GRXCR2: variants seen among roughly 807,000 people sequenced by gnomAD.
GRXCR2 encodes glutaredoxin and cysteine rich domain containing 2.
Under a neutral mutation model 24.8 loss-of-function variants are expected in GRXCR2, and 23 were observed. That is an observed-to-expected ratio of 0.93 (90% CI 0.67 to 1.32). The LOEUF is 1.32. Among genes scored for constraint, GRXCR2 ranks in the 40% most tolerant of loss-of-function variants. The probability of loss-of-function intolerance (pLI) is 0.00; values close to 1 mark genes in which losing one functional copy is unlikely to be tolerated. For synonymous variants in GRXCR2, 130 were observed against 116.1 expected, an observed-to-expected ratio of 1.12 and a Z score of -0.77; for missense variants, 315 against 303.4, an observed-to-expected ratio of 1.04 and a Z score of -0.28.
intron 2 of GRXCR2, among the ~76,000 whole-genome samples, chr5:145,926,540 A>C (rs1757396427): frequency 6.6e-6 from 1 of 152,114 alleles, no homozygotes; most frequent in African/African-American, 2.4e-5. Flanking sequence ...ATGGTTTTAG[A>C]AATGCGGCAT....
chr5:145,906,731 T>A (rs1406211505), intron 2 of GRXCR2, among the ~76,000 whole-genome samples: 4 of 152,218 alleles, frequency 2.6e-5, no homozygotes, highest in African/African-American at 9.6e-5. Flanking sequence ...TGCCAGCTAC[T>A]CTTCCGGGCA....
upstream of GRXCR2, among the ~76,000 whole-genome samples, chr5:145,874,886 TTC>T (rs1338096642): frequency 6.6e-6 from 1 of 152,192 alleles, no homozygotes; most frequent in African/African-American, 2.4e-5. Context: ...ACCCACAAGT[TTC>T]TGTCTCTTAT....
At chr5:145,920,121 T>A (rs867208312) in intron 2 of GRXCR2, among the ~76,000 whole-genome samples, 2 of 152,170 alleles carry the variant, frequency 1.3e-5, no homozygotes, top group Non-Finnish European at 2.9e-5. Flanking sequence ...ATTATTGATG[T>A]AGTCAAAATA....
intron 2 of GRXCR2, among the ~76,000 whole-genome samples, chr5:145,878,708 T>C (rs1348189281): frequency 5.3e-5 from 8 of 152,082 alleles, no homozygotes; most frequent in African/African-American, 1.9e-4. Flanking sequence ...AACACAAAGA[T>C]ACTCCTCGAG....
chr5:145,890,456 A>G (rs576066033), intron 2 of GRXCR2, among the ~76,000 whole-genome samples: 2 of 152,330 alleles, frequency 1.3e-5, no homozygotes, highest in East Asian at 3.9e-4. Flanking sequence ...AAATCTATAA[A>G]TTACTGGCAT....
chr5:145,921,784 T>G lies in GRXCR2; in HGVS notation c.-70+13917A>C, dbSNP rs975276080. On this transcript the variant is annotated intron_variant, in intron 2 of 3. Transcript: ENST00000639411. ...CCCACAAGCTGTGTATGACATGTCATGAAACATCTCTAAAACCAAGTAGCA... is the reference window on the plus strand; with the variant it reads ...CCCACAAGCTGTGTATGACATGTCAGGAAACATCTCTAAAACCAAGTAGCA... Among the ~76,000 whole-genome samples, 4 of 152,240 alleles carry G rather than the reference T, an allele frequency of 2.6e-5. No homozygotes were observed. The East Asian group carries it at 7.7e-4, about 29-fold the overall frequency.
chr5:145,891,427 T>C (rs923868776), intron 2 of GRXCR2, among the ~76,000 whole-genome samples: 1 of 152,148 alleles, frequency 6.6e-6, no homozygotes, highest in African/African-American at 2.4e-5. Context: ...ATTGGGTCAC[T>C]CCCACCCTAA....
At position 145,878,096 on chromosome 5, in the gene GRXCR2, G is replaced by T. The variant is rs181162983; in HGVS notation, c.-69-11368C>A. On this transcript the variant is annotated intron_variant, in intron 2 of 3. Transcript: ENST00000639411. Reference sequence around the variant, plus strand: ...AAACCACAAAGATGGGGAGAAACCAGAGCAGAAAAGCTGAAAATTCTAAAA... The same window carrying T: ...AAACCACAAAGATGGGGAGAAACCATAGCAGAAAAGCTGAAAATTCTAAAA... Among the ~76,000 whole-genome samples the T allele has an allele frequency of 2.6e-3, 402 of 152,288 alleles. 3 individuals are homozygous for T. The highest frequency in any genetic ancestry group is 8.9e-3 in the African/African-American group (368 of 41,554).
Position 145,890,236 on chromosome 5 carries a change from T to A in GRXCR2, c.-69-23508A>T, listed in dbSNP as rs340035. ...TCCTGAATACCTGGGATTACAGGCA[T>A]GTGCCACCATGCCTAGCTAATTTTT... is the stretch of plus-strand genomic sequence containing the variant. On this transcript the variant is annotated intron_variant, in intron 2 of 3. Transcript: ENST00000639411. Among the ~76,000 whole-genome samples, 516 of 151,988 alleles carry A rather than the reference T, an allele frequency of 3.4e-3. 6 individuals carry two copies. Among genetic ancestry groups the A allele is most frequent in the African/African-American group, 0.011 (471 of 41,430 alleles).
intron 1 of GRXCR2, among the ~76,000 whole-genome samples, chr5:145,871,631 A>C (rs1209482139): frequency 1.3e-5 from 2 of 152,192 alleles, no homozygotes; most frequent in Non-Finnish European, 2.9e-5. Flanking sequence ...AAACAAGCCT[A>C]GTGTTATCTT....
At chr5:145,882,371 G>C (rs1013875352) in intron 2 of GRXCR2, among the ~76,000 whole-genome samples, 1 of 152,170 alleles carries the variant, frequency 6.6e-6, no homozygotes, top group Non-Finnish European at 1.5e-5. Context: ...GATATGAACA[G>C]ACACTTCTCA....
In GRXCR2 at chr5:145,908,482, G is replaced by C. The variant is rs566256025; in HGVS notation, c.-70+27219C>G. ...TTCATCAGCTGATGAATACTGAAAG[G>C]CTCTGACAATTTTATTTCTGGCTTA... On this transcript the variant is annotated intron_variant, in intron 2 of 3. Coordinates refer to the GRXCR2 transcript ENST00000639411. 6.4e-4 allele frequency among the ~76,000 whole-genome samples: 97 copies of C among 152,270 alleles called. 1 individual carries two copies. The South Asian group carries it at 6.8e-3, about 11-fold the overall frequency.
chr5:145,878,129 T>C (rs985601392), intron 2 of GRXCR2, among the ~76,000 whole-genome samples: 1 of 152,164 alleles, frequency 6.6e-6, no homozygotes, highest in Non-Finnish European at 1.5e-5. Flanking sequence ...AAAACCACAG[T>C]GCTCTTCTCC....
At chr5:145,915,117 C>A (rs1431356484) in intron 2 of GRXCR2, among the ~76,000 whole-genome samples, 1 of 152,220 alleles carries the variant, frequency 6.6e-6, no homozygotes, top group East Asian at 1.9e-4. Context: ...CCCACAGGCT[C>A]CCCACCCATC....
intron 2 of GRXCR2, among the ~76,000 whole-genome samples, chr5:145,924,242 C>G (rs1490171451): frequency 6.6e-6 from 1 of 152,210 alleles, no homozygotes; most frequent in Middle Eastern, 3.4e-3. Flanking sequence ...ATTTTAGAAT[C>G]CTAGTTGAAC....
At chr5:145,905,250 G>T (rs1311271567) in intron 2 of GRXCR2, among the ~76,000 whole-genome samples, 3 of 152,142 alleles carry the variant, frequency 2.0e-5, no homozygotes, top group African/African-American at 7.2e-5. Context: ...CAGCCCAAAA[G>T]TTGCCTAGCT....
chr5:145,904,590 T>A (rs1199163300), intron 2 of GRXCR2, among the ~76,000 whole-genome samples: 3 of 152,208 alleles, frequency 2.0e-5, no homozygotes, highest in Non-Finnish European at 4.4e-5. Context: ...TCTCTTCCCC[T>A]GCTCCGTGTG....
chr5:145,866,363 T>A (rs1756434662), intron 2 of GRXCR2, 138 bp downstream of exon 2: 1 of 612,828 alleles, frequency 1.6e-6, no homozygotes, highest in South Asian at 2.1e-5. Flanking sequence ...AATGTTAAAA[T>A]TCCTCATATC....
At chr5:145,875,214 A>G (rs1756594832), upstream of GRXCR2, among the ~76,000 whole-genome samples, 1 of 152,240 alleles carries the variant, frequency 6.6e-6, no homozygotes, top group South Asian at 2.1e-4. Flanking sequence ...AACCAAATAC[A>G]CAAAGCTTTT....
Sources: allele counts gnomAD v4.1 joint callset (sites outside exome capture counted in the v4.1 genomes callset), GRCh38; gene constraint gnomAD v4.1.1; transcripts MANE v1.5; gene names NCBI Gene and HGNC (gene_info 2026-07-23, HGNC 2026-07-21).